The following ITM2B variants were observed in gnomAD, a reference collection of about 807,000 sequenced individuals.
ITM2B encodes the protein ABri/ADan amyloid peptide.
ITM2B carries 11 observed loss-of-function variants against 27.8 expected under a neutral mutation model. The observed-to-expected ratio is 0.40, with a 90% CI of 0.25 to 0.66. The LOEUF is 0.66. Among genes scored for constraint, ITM2B ranks in the 30% least tolerant of loss-of-function variants. ITM2B has a pLI of 0.43. For synonymous variants in ITM2B, 114 were observed against 114.3 expected (o/e 1.00, Z 0.02); for missense variants, 296 against 328.9 (o/e 0.90, Z 0.77).
chr13:48,252,411 G>T (rs192543072), intron 1 of ITM2B, among the ~76,000 whole-genome samples: 1 of 152,328 alleles, frequency 6.6e-6, no homozygotes, highest in East Asian at 1.9e-4. Flanking sequence ...CCTCCTCTCA[G>T]ATCAGCGGGG....
chr13:48,233,383 C>T lies in ITM2B; in HGVS notation c.23C>T (p.Ser8Phe). MVKVTFN[S>F]ALAQKEAKKD... ...GCCATGGTGAAGGTGACGTTCAACTCCGCTCTGGCCCAGAAGGAGGCCAAG... is the reference window on the plus strand; with the variant it reads ...GCCATGGTGAAGGTGACGTTCAACTTCGCTCTGGCCCAGAAGGAGGCCAAG... The change falls in exon 1 of 6, where the codon TCC becomes TTC. Residue 8 changes from serine to phenylalanine, a missense_variant. Ser to Phe is a radical substitution (Grantham distance 155). Transcript: ENST00000647800. 6.4e-7 allele frequency: 1 copy of T among 1,564,662 alleles called. No homozygotes were observed.
rs1291315439 is a variant in ITM2B at position 48,263,976 on chromosome 13, T to C, written c.*2752T>C. The C allele has an allele frequency of 6.6e-6, 1 of 152,072 alleles. No individual in the cohort carries two copies. The highest frequency in any genetic ancestry group is 1.5e-5 in the Non-Finnish European group (1 of 68,000). The allele number at this position is 152,072 out of a possible 1,614,324, so 9.4% of individuals were successfully genotyped here. On this transcript the variant is annotated 3_prime_UTR_variant, in exon 6 of 6. Transcript: ENST00000647800. ...GTGTGTGTGTGTATTTATTTATTTA[T>C]CTAAGATAGCTCTAGTTTGCTGCTT...
chr13:48,241,078 G>A (rs1303932842), intron 1 of ITM2B, among the ~76,000 whole-genome samples: 1 of 152,148 alleles, frequency 6.6e-6, no homozygotes, highest in African/African-American at 2.4e-5. Context: ...TCCCCTCTCT[G>A]GTGGTTTGGA....
chr13:48,242,819 G>T (rs990894990), intron 1 of ITM2B, among the ~76,000 whole-genome samples: 6 of 151,336 alleles, frequency 4.0e-5, no homozygotes, highest in Non-Finnish European at 7.4e-5. Context: ...TATGCTTTCA[G>T]CTTTCAACAT....
At chr13:48,233,523 G>A in intron 1 of ITM2B, 46 bp downstream of exon 1, 1 of 1,347,694 alleles carries the variant, frequency 7.4e-7, no homozygotes, top group Non-Finnish European at 1.0e-6. Flanking sequence ...GGCCCGGCCG[G>A]GGAGGGCTGC....
In ITM2B at chr13:48,262,796, C is replaced by T. The variant is rs1951830216; in HGVS notation, c.*1572C>T. 2 of 152,142 alleles carry T rather than the reference C, an allele frequency of 1.3e-5. No homozygotes were observed. Among genetic ancestry groups the T allele is most frequent in the African/African-American group, 2.4e-5 (1 of 41,424 alleles). 9.4% of individuals were successfully genotyped at this position (152,142 alleles called of 1,614,324 possible). A position where few individuals can be genotyped will look rare whatever the true frequency, so the allele number is the denominator to read the frequency against. On this transcript the variant is annotated 3_prime_UTR_variant, in exon 6 of 6. Transcript: ENST00000647800. ...AGTAGTGTGAGGGAGAAAAACAGGT[C>T]TAGGTTCTTTGGAAAACATTTAGGA...
At chr13:48,247,566 A>C (rs1951731364) in intron 1 of ITM2B, among the ~76,000 whole-genome samples, 1 of 152,224 alleles carries the variant, frequency 6.6e-6, no homozygotes, top group Non-Finnish European at 1.5e-5. Context: ...GTTTGAGAAC[A>C]GAATTGAAAT....
chr13:48,270,047 T>C lies in ITM2B; in HGVS notation c.*8823T>C, dbSNP rs937426302. On this transcript the variant is annotated 3_prime_UTR_variant, in exon 6 of 6. Transcript: ENST00000647800. ...TCCATAGCCCATGTGGAATGAGATG[T>C]CCACTAGGGCAGAGAAGCACAGAAC... 1.3e-5 allele frequency: 2 copies of C among 152,238 alleles called. No homozygotes were observed. Among genetic ancestry groups the C allele is most frequent in the African/African-American group, 4.8e-5 (2 of 41,452 alleles). The allele number at this position is 152,238 out of a possible 1,614,324, so 9.4% of individuals were successfully genotyped here. A position where few individuals can be genotyped will look rare whatever the true frequency, so the allele number is the denominator to read the frequency against.
chr13:48,248,699 T>C (rs1951736872), intron 1 of ITM2B, among the ~76,000 whole-genome samples: 4 of 152,132 alleles, frequency 2.6e-5, no homozygotes, highest in African/African-American at 9.7e-5. Context: ...CAATAGTTGA[T>C]GAGCTGGGAA....
Position 48,256,254 on chromosome 13 carries a change from A to G in ITM2B, c.324A>G (p.Pro108=), listed in dbSNP as rs9332284. The G allele has an allele frequency of 1.8e-3, 2,858 of 1,613,790 alleles. 63 individuals are homozygous for G. The Admixed American group carries it at 0.045, about 25-fold the overall frequency. The change falls in exon 3 of 6, where the codon CCA becomes CCG. Residue 108 remains proline, a synonymous_variant. Transcript: ENST00000647800. ...TAAATGAGCCCTCTGCAGATGCCCC[A>G]GCTGCTCTCTACCAGACAATTGAAG... ...VILNEPSADA[P]AALYQTIEEN...
intron 1 of ITM2B, among the ~76,000 whole-genome samples, chr13:48,238,422 T>C (rs1319054492): frequency 1.3e-5 from 2 of 152,198 alleles, no homozygotes; most frequent in African/African-American, 4.8e-5. Context: ...AGAATGAACG[T>C]AGACTTTTTA....
At position 48,258,907 on chromosome 13, in the gene ITM2B, C is replaced by G. The variant is rs1326070884; in HGVS notation, c.675C>G (p.Asp225Glu). ...LGFFIYRLCH[D>E]KETYKLQRRE... ...TCTTTATTTATCGACTGTGTCATGA[C>G]AAGGAAACTTACAAACTGCAACGCA... The change falls in exon 5 of 6, where the codon GAC becomes GAG. Residue 225 changes from aspartate to glutamate, a missense_variant. Physicochemically the swap from Asp to Glu is conservative, Grantham distance 45. Coordinates refer to ENST00000647800, the MANE Select transcript of ITM2B (RefSeq NM_021999.5). 5 of 1,613,144 alleles carry G rather than the reference C, an allele frequency of 3.1e-6. No individual in the cohort carries two copies. Among genetic ancestry groups the G allele is most frequent in the East Asian group, 2.2e-5 (1 of 44,864 alleles).
rs960812714 is a variant in ITM2B at position 48,269,669 on chromosome 13, T to C, written c.*8445T>C. Reference sequence around the variant, plus strand: ...CTGGGCCAGGAATTCCACACCCTCCTTCCCTCACATGTATCCCAAGGCTCA... The same window carrying C: ...CTGGGCCAGGAATTCCACACCCTCCCTCCCTCACATGTATCCCAAGGCTCA... On this transcript the variant is annotated 3_prime_UTR_variant, in exon 6 of 6. Transcript: ENST00000647800. The C allele has an allele frequency of 3.3e-5, 5 of 152,358 alleles. No homozygotes were observed. The highest frequency in any genetic ancestry group is 5.9e-5 in the Non-Finnish European group (4 of 68,170). 9.4% of individuals were successfully genotyped at this position (152,358 alleles called of 1,614,324 possible).
In ITM2B at chr13:48,251,776, C is replaced by G. The variant is rs527615956; in HGVS notation, c.118-2032C>G. Among the ~76,000 whole-genome samples, 11 of 152,268 alleles carry G rather than the reference C, an allele frequency of 7.2e-5. No individual in the cohort carries two copies. The East Asian group carries it at 1.7e-3, about 24-fold the overall frequency. ...TTCCATCTGTCATTTTCATCCCCCCCACTCTCCTTCCACTCTAAAATTAAT... is the reference window on the plus strand; with the variant it reads ...TTCCATCTGTCATTTTCATCCCCCCGACTCTCCTTCCACTCTAAAATTAAT... On this transcript the variant is annotated intron_variant, in intron 1 of 5. Transcript: ENST00000647800.
At position 48,266,864 on chromosome 13, in the gene ITM2B, G is replaced by A. The variant is rs1951856171; in HGVS notation, c.*5640G>A. 1 of 152,132 alleles carries A rather than the reference G, an allele frequency of 6.6e-6. No homozygotes were observed. Among genetic ancestry groups the A allele is most frequent in the South Asian group, 2.1e-4 (1 of 4,822 alleles). The allele number at this position is 152,132 out of a possible 1,614,324, so 9.4% of individuals were successfully genotyped here. On this transcript the variant is annotated 3_prime_UTR_variant, in exon 6 of 6. Transcript: ENST00000647800. ...TATATCCACAAATGTTTCAAGCCAA[G>A]ATTATGTCTTCTTCCATAATGCCAC... is the stretch of plus-strand genomic sequence containing the variant.
rs1236763673 is a variant in ITM2B, at chr13:48,264,050, A to C, written c.*2826A>C. 1.3e-5 allele frequency: 2 copies of C among 152,144 alleles called. No individual in the cohort carries two copies. Among genetic ancestry groups the C allele is most frequent in the African/African-American group, 4.8e-5 (2 of 41,430 alleles). 9.4% of individuals were successfully genotyped at this position (152,144 alleles called of 1,614,324 possible). A position where few individuals can be genotyped will look rare whatever the true frequency, so the allele number is the denominator to read the frequency against. On this transcript the variant is annotated 3_prime_UTR_variant, in exon 6 of 6. Coordinates refer to ENST00000647800, the MANE Select transcript of ITM2B (RefSeq NM_021999.5). ...CATTGGTTTAAAAAAAAAGTACAGA[A>C]GTCAAGATGAGACTATATAAATCTT...
chr13:48,241,497 C>CAT (rs1410751891), intron 1 of ITM2B, among the ~76,000 whole-genome samples: 1 of 152,212 alleles, frequency 6.6e-6, no homozygotes, highest in East Asian at 1.9e-4. Flanking sequence ...CAGGCTGAGC[C>CAT]ATAGCACCTG....
chr13:48,247,230 G>T (rs971322828), intron 1 of ITM2B, among the ~76,000 whole-genome samples: 12 of 152,134 alleles, frequency 7.9e-5, no homozygotes, highest in African/African-American at 2.9e-4. Context: ...ACATCTGTGG[G>T]CAGCTGTCCT....
intron 4 of ITM2B, 118 bp from the exon 5 acceptor site, chr13:48,258,678 TG>T: frequency 1.2e-6 from 1 of 866,006 alleles, no homozygotes. Context: ...AAACAGATGG[TG>T]GGTAGTAGTT....
Sources: allele counts gnomAD v4.1 joint callset (sites outside exome capture counted in the v4.1 genomes callset), GRCh38; gene constraint gnomAD v4.1.1; transcripts MANE v1.5; gene names NCBI Gene and HGNC (gene_info 2026-07-23, HGNC 2026-07-21).